Variants in EFR3A observed in about 807,000 individuals in gnomAD.
EFR3A encodes the protein EFR3 homolog A, also known as protein EFR3 homolog A.
In EFR3A, 76 loss-of-function variants were observed where a neutral mutation model predicts 104.4. That is an observed-to-expected ratio of 0.73 (90% CI 0.60 to 0.88). The LOEUF is 0.88. Ranked by LOEUF, EFR3A falls within the 40% of genes least tolerant of loss-of-function variation. The probability of loss-of-function intolerance (pLI) is 0.00; values close to 1 mark genes in which losing one functional copy is unlikely to be tolerated. For synonymous variants in EFR3A, 330 were observed against 330.0 expected (o/e 1.00, Z 0.00); for missense variants, 985 against 1,012.5 (o/e 0.97, Z 0.37).
chr8:131,952,070 TAG>T (rs1360693303), intron 5 of EFR3A, among the ~76,000 whole-genome samples: 1 of 152,076 alleles, frequency 6.6e-6, no homozygotes, highest in East Asian at 1.9e-4. Flanking sequence ...CTCCCACTTG[TAG>T]AGTCATGCAT....
chr8:131,983,716 C>T (rs1820730994), intron 14 of EFR3A, among the ~76,000 whole-genome samples: 1 of 152,054 alleles, frequency 6.6e-6, no homozygotes, highest in Non-Finnish European at 1.5e-5. Context: ...GATTGTTCCC[C>T]AGTCAAGAGA....
intron 5 of EFR3A, among the ~76,000 whole-genome samples, chr8:131,950,848 T>G (rs547598269): frequency 6.6e-6 from 1 of 152,244 alleles, no homozygotes; most frequent in East Asian, 1.9e-4. Context: ...TCTGGATATA[T>G]CCTACTAAAA....
chr8:131,954,972 G>A (rs1818906475), intron 6 of EFR3A, among the ~76,000 whole-genome samples: 1 of 151,994 alleles, frequency 6.6e-6, no homozygotes, highest in African/African-American at 2.4e-5. Flanking sequence ...CCAGCTTTGG[G>A]AACCTTTCCT....
intron 1 of EFR3A, among the ~76,000 whole-genome samples, chr8:131,937,029 C>G (rs1460763727): frequency 6.6e-6 from 1 of 152,092 alleles, no homozygotes; most frequent in Non-Finnish European, 1.5e-5. Context: ...ATGCCTTGGT[C>G]TTTACTGTGA....
chr8:131,934,747 GATA>G (rs1817791841), intron 1 of EFR3A, among the ~76,000 whole-genome samples: 1 of 151,880 alleles, frequency 6.6e-6, no homozygotes, highest in African/African-American at 2.4e-5. Context: ...TGATAAGTAT[GATA>G]ATATGCAGTA....
In EFR3A at chr8:131,975,590, A is replaced by G. The variant is rs537456978; in HGVS notation, c.1160-437A>G. Among the ~76,000 whole-genome samples the G allele has an allele frequency of 5.3e-5, 8 of 151,786 alleles. 1 individual carries two copies. The highest frequency in any genetic ancestry group is 1.3e-4 in the Admixed American group (2 of 15,252). ...TGCCACCACGCCCAGCTAATTTTGT[A>G]TTTTTAGTAGAGACGAGGTTTCACC... On this transcript the variant is annotated intron_variant, in intron 10 of 22. Coordinates refer to ENST00000254624, the MANE Select transcript of EFR3A (RefSeq NM_015137.6).
chr8:131,919,311 G>A (rs542713544), intron 1 of EFR3A, among the ~76,000 whole-genome samples: 1 of 152,196 alleles, frequency 6.6e-6, no homozygotes, highest in African/African-American at 2.4e-5. Flanking sequence ...AAATTTACCT[G>A]TTTTGGCCGG....
At chr8:131,981,752 C>T (rs934373546) in intron 14 of EFR3A, among the ~76,000 whole-genome samples, 1 of 151,990 alleles carries the variant, frequency 6.6e-6, no homozygotes, top group Non-Finnish European at 1.5e-5. Context: ...TACTACCCAG[C>T]CTAAAACTAC....
chr8:131,932,706 A>T (rs2130508758), intron 1 of EFR3A, among the ~76,000 whole-genome samples: 1 of 152,236 alleles, frequency 6.6e-6, no homozygotes, highest in South Asian at 2.1e-4. Flanking sequence ...CACTCTATAA[A>T]TGGAAACTGT....
intron 2 of EFR3A, among the ~76,000 whole-genome samples, chr8:131,941,823 A>C (rs1423608652): frequency 6.6e-6 from 1 of 152,072 alleles, no homozygotes; most frequent in Non-Finnish European, 1.5e-5. Flanking sequence ...ATTGCAAGTG[A>C]GGGGAAAGAG....
chr8:131,921,125 T>C (rs1816998902), intron 1 of EFR3A, among the ~76,000 whole-genome samples: 1 of 152,178 alleles, frequency 6.6e-6, no homozygotes, highest in African/African-American at 2.4e-5. Flanking sequence ...TGCTGAGCTG[T>C]TGTAACAAAG....
At chr8:131,919,370 G>A (rs905653775) in intron 1 of EFR3A, among the ~76,000 whole-genome samples, 3 of 152,018 alleles carry the variant, frequency 2.0e-5, no homozygotes. Flanking sequence ...GGTCGAGGCG[G>A]GTGGATCACA....
At chr8:131,934,249 C>G (rs560902106) in intron 1 of EFR3A, among the ~76,000 whole-genome samples, 25 of 152,250 alleles carry the variant, frequency 1.6e-4, no homozygotes, top group African/African-American at 6.0e-4. Flanking sequence ...CATGTGCCGT[C>G]CTGCCTAGTG....
intron 1 of EFR3A, among the ~76,000 whole-genome samples, chr8:131,918,293 A>G (rs1816840715): frequency 6.6e-6 from 1 of 152,156 alleles, no homozygotes; most frequent in Non-Finnish European, 1.5e-5. Flanking sequence ...TCTCAACAAC[A>G]ACAACAACAA....
At position 131,977,083 on chromosome 8, in the gene EFR3A, T is replaced by C; in HGVS notation, c.1317T>C (p.Ser439=). Residue 439 remains serine (S), a synonymous_variant, in exon 12 of 23, where the codon TCT becomes TCC. Transcript: ENST00000254624. ...GAATTCAGATAATGTTGCTGAGATCTTTGCTTATGGTAAGGCATTTAAGAC... is the reference window on the plus strand; with the variant it reads ...GAATTCAGATAATGTTGCTGAGATCCTTGCTTATGGTAAGGCATTTAAGAC... ...TRRIQIMLLR[S]LLMVTSGYKA... is the part of the protein sequence containing the mutation. 2 of 1,602,340 alleles carry C rather than the reference T, an allele frequency of 1.2e-6. No individual in the cohort carries two copies. Among genetic ancestry groups the C allele is most frequent in the Non-Finnish European group, 1.7e-6 (2 of 1,173,852 alleles).
chr8:131,988,975 TCA>T (rs1821029897), intron 18 of EFR3A, among the ~76,000 whole-genome samples: 1 of 152,174 alleles, frequency 6.6e-6, no homozygotes, highest in African/African-American at 2.4e-5. Context: ...TCTGGTACTT[TCA>T]AAATTTTTAA....
intron 8 of EFR3A, 133 bp from the exon 9 acceptor site, chr8:131,968,162 T>C: frequency 1.4e-6 from 1 of 707,498 alleles, no homozygotes; most frequent in South Asian, 2.5e-5. Flanking sequence ...GTATTGTGGC[T>C]ATTTATTGTC....
chr8:131,923,782 CAGA>C (rs1330944320), intron 1 of EFR3A, among the ~76,000 whole-genome samples: 4 of 152,064 alleles, frequency 2.6e-5, no homozygotes, highest in Admixed American at 2.0e-4. Flanking sequence ...AGTGCGCACT[CAGA>C]AGAACTGCTT....
chr8:131,996,958 AG>A (rs1821526656), intron 19 of EFR3A, among the ~76,000 whole-genome samples: 1 of 152,230 alleles, frequency 6.6e-6, no homozygotes, highest in African/African-American at 2.4e-5. Context: ...TGCATCTATA[AG>A]GGAAAATGTT....
Sources: allele counts gnomAD v4.1 joint callset (sites outside exome capture counted in the v4.1 genomes callset), GRCh38; gene constraint gnomAD v4.1.1; transcripts MANE v1.5; gene names NCBI Gene and HGNC (gene_info 2026-07-23, HGNC 2026-07-21).